PFKFB3: variants seen among roughly 807,000 people sequenced by gnomAD.
PFKFB3 encodes the protein 6-phosphofructo-2-kinase/fructose-2,6-biphosphatase 3.
PFKFB3 carries 33 observed loss-of-function variants against 68.0 expected under a neutral mutation model. The ratio of observed to expected loss-of-function variants is 0.49; its 90% CI spans 0.37 to 0.65. The LOEUF (loss-of-function observed/expected upper bound fraction) is 0.65, where lower values mean the gene tolerates loss of function less well. Ranked by LOEUF, PFKFB3 falls within the 30% of genes least tolerant of loss-of-function variation. The pLI, the probability that PFKFB3 is intolerant of heterozygous loss-of-function variation, is 0.00. For missense variants in PFKFB3, 586 were observed against 712.2 expected (o/e 0.82, Z 2.02); for synonymous variants, 315 against 288.2 (o/e 1.09, Z -0.94).
chr10:6,159,213 G>T (rs1032713996), intron 1 of PFKFB3, among the ~76,000 whole-genome samples: 13 of 151,884 alleles, frequency 8.6e-5, no homozygotes, highest in African/African-American at 3.1e-4. Context: ...TGCCCAACAT[G>T]GTGAAACCCT....
rs750318120 is a variant in PFKFB3, at chr10:6,232,982, C to G, written c.*40C>G. On this transcript the variant is annotated 3_prime_UTR_variant, in exon 15 of 15. Coordinates refer to ENST00000379775, the MANE Select transcript of PFKFB3 (RefSeq NM_004566.4). ...TTCCATTCCATTTCCATTTCTGCAGCTTAGCTTGTGTCCTGCCCTCCGCCC... is the reference window on the plus strand; with the variant it reads ...TTCCATTCCATTTCCATTTCTGCAGGTTAGCTTGTGTCCTGCCCTCCGCCC... 1 of 1,549,794 alleles carries G rather than the reference C, an allele frequency of 6.5e-7. No individual in the cohort carries two copies. Among genetic ancestry groups the G allele is most frequent in the Non-Finnish European group, 8.9e-7 (1 of 1,121,672 alleles).
At chr10:6,319,022 C>T in the PFKFB3 span, among the ~76,000 whole-genome samples, 3 of 152,096 alleles carry the variant, frequency 2.0e-5, no homozygotes, top group Non-Finnish European at 4.4e-5. Flanking sequence ...CTTTGTGGAC[C>T]CTTGATCAAT....
chr10:6,146,532 G>A, intron 1 of PFKFB3: 1 of 1,526,426 alleles, frequency 6.6e-7, no homozygotes. Context: ...TGGGTTCTCT[G>A]GAGGCTCTCA....
At chr10:6,165,820 TG>T (rs1287944895) in intron 1 of PFKFB3, among the ~76,000 whole-genome samples, 21 of 151,290 alleles carry the variant, frequency 1.4e-4, no homozygotes, top group African/African-American at 5.1e-4. Context: ...TCTTTGTCTT[TG>T]TTTTTTTTTT....
At chr10:6,207,031 GGGGT>G (rs1843818540) in intron 1 of PFKFB3, among the ~76,000 whole-genome samples, 1 of 146,800 alleles carries the variant, frequency 6.8e-6, no homozygotes, top group Admixed American at 6.8e-5. Flanking sequence ...CTTCCCAGAT[GGGGT>G]GGCGGCCGGG....
intron 1 of PFKFB3, among the ~76,000 whole-genome samples, chr10:6,207,825 G>A (rs879538639): frequency 9.2e-5 from 14 of 152,176 alleles, no homozygotes; most frequent in Non-Finnish European, 1.8e-4. Flanking sequence ...CTGAATTTGT[G>A]AGTCAGCATA....
At chr10:6,289,810 A>G in the PFKFB3 span, among the ~76,000 whole-genome samples, 2 of 132,634 alleles carry the variant, frequency 1.5e-5, no homozygotes, top group African/African-American at 5.7e-5. Flanking sequence ...GGCCATTTTC[A>G]TGATATTGAT....
the PFKFB3 span, among the ~76,000 whole-genome samples, chr10:6,319,748 G>A: frequency 1.3e-5 from 2 of 151,332 alleles, no homozygotes; most frequent in Non-Finnish European, 2.9e-5. Context: ...GTTCTAATGA[G>A]TCCTAAAAAA....
intron 14 of PFKFB3, among the ~76,000 whole-genome samples, chr10:6,246,910 G>A (rs1030249872): frequency 3.9e-5 from 6 of 152,196 alleles, no homozygotes; most frequent in Non-Finnish European, 8.8e-5. Context: ...CAAGTTAGGT[G>A]CCGAAGAAGC....
chr10:6,305,043 ACATCTCACT>A, the PFKFB3 span, among the ~76,000 whole-genome samples: 31 of 23,958 alleles, frequency 1.3e-3, no homozygotes, highest in African/African-American at 3.2e-3. Flanking sequence ...AGTAGAGATG[ACATCTCACT>A]CATCTCACTA....
chr10:6,263,818 T>C, the PFKFB3 span, among the ~76,000 whole-genome samples: 1 of 152,336 alleles, frequency 6.6e-6, no homozygotes, highest in Admixed American at 6.5e-5. Flanking sequence ...CCCAAGTAGC[T>C]AGTATTAAAG....
chr10:6,238,544 C>A, downstream of PFKFB3, among the ~76,000 whole-genome samples: 1 of 140,648 alleles, frequency 7.1e-6, no homozygotes, highest in African/African-American at 2.7e-5. Context: ...ATTGGGAGAA[C>A]TAAATCTTTT....
Position 6,217,208 on chromosome 10 carries a change from C to A in PFKFB3, c.498+17C>A. ...AATATCATGGTAAGACAGCCGGGAG[C>A]CCCGTGCTTCTGCGGCAGCGTAGAC... On this transcript the variant is annotated intron_variant, in intron 6 of 14. Transcript: ENST00000379775. The A allele has an allele frequency of 6.2e-7, 1 of 1,610,770 alleles. No individual in the cohort carries two copies. The highest frequency in any genetic ancestry group is 8.5e-7 in the Non-Finnish European group (1 of 1,176,898).
At chr10:6,212,789 C>T (rs760660421) in intron 1 of PFKFB3, among the ~76,000 whole-genome samples, 2 of 152,186 alleles carry the variant, frequency 1.3e-5, no homozygotes, top group Non-Finnish European at 2.9e-5. Flanking sequence ...CATGAACCAC[C>T]GCGCCTGGCT....
chr10:6,172,213 C>T (rs1332222739), intron 1 of PFKFB3, among the ~76,000 whole-genome samples: 1 of 152,216 alleles, frequency 6.6e-6, no homozygotes, highest in Non-Finnish European at 1.5e-5. Flanking sequence ...GGTCCCATGG[C>T]TTCTGCAGCC....
chr10:6,219,745 G>A, intron 7 of PFKFB3, 52 bp downstream of exon 7: 1 of 1,581,180 alleles, frequency 6.3e-7, no homozygotes, highest in South Asian at 1.1e-5. Context: ...GGTTCTTACT[G>A]AATTCTTGAT....
intron 1 of PFKFB3, among the ~76,000 whole-genome samples, chr10:6,184,798 G>A (rs1159673071): frequency 2.1e-5 from 3 of 142,932 alleles, no homozygotes; most frequent in African/African-American, 7.8e-5. Flanking sequence ...TTAAGAGAGC[G>A]TGTTTAGCTG....
intron 1 of PFKFB3, among the ~76,000 whole-genome samples, chr10:6,212,404 C>T (rs1194605354): frequency 3.3e-5 from 5 of 152,152 alleles, no homozygotes; most frequent in Admixed American, 6.5e-5. Context: ...CATGTAGCAG[C>T]GGAAGCCAGG....
chr10:6,180,621 C>T (rs764733070), intron 1 of PFKFB3, among the ~76,000 whole-genome samples: 2 of 152,128 alleles, frequency 1.3e-5, no homozygotes, highest in African/African-American at 2.4e-5. Flanking sequence ...TGCTTCACCA[C>T]ACCTGGCTAA....
Sources: gnomAD v4.1 joint callset for allele counts (sites outside exome capture counted in the v4.1 genomes callset) on GRCh38, gnomAD v4.1.1 for gene constraint, MANE v1.5 for transcripts, NCBI Gene and HGNC (gene_info 2026-07-23, HGNC 2026-07-21) for gene names.